ERC2: variants seen among roughly 807,000 people sequenced by gnomAD.
ERC2 encodes ELKS/RAB6-interacting/CAST family member 2.
ERC2 carries 42 observed loss-of-function variants against 114.8 expected under a neutral mutation model. That is an observed-to-expected ratio of 0.37 (90% confidence interval 0.29 to 0.47). The LOEUF is 0.47. Among genes scored for constraint, ERC2 ranks in the 20% least tolerant of loss-of-function variants. The probability of loss-of-function intolerance (pLI) is 0.99; values close to 1 mark genes in which losing one functional copy is unlikely to be tolerated. For synonymous variants in ERC2, 454 were observed against 425.5 expected (o/e 1.07, Z -0.82); for missense variants, 939 against 1,150.7 (o/e 0.82, Z 2.66).
chr3:56,178,245 T>C (rs1421725064), intron 3 of ERC2, among the ~76,000 whole-genome samples: 1 of 152,152 alleles, frequency 6.6e-6, no homozygotes, highest in Non-Finnish European at 1.5e-5. Flanking sequence ...CAAATAATAA[T>C]AACAACAAGT....
At chr3:55,827,986 C>T (rs1212225765) in intron 14 of ERC2, among the ~76,000 whole-genome samples, 4 of 152,348 alleles carry the variant, frequency 2.6e-5, no homozygotes, top group South Asian at 2.1e-4. Context: ...GCGGCCAAGC[C>T]GATGGAAACC....
rs192727207 is a variant in ERC2 at position 56,420,991 on chromosome 3, A to G, written c.657+13360T>C. ...TCCATCAAGGATGCACTCTGATAGT[A>G]TATAAAAGCGCCATGTGGGTCCACT... On this transcript the variant is annotated intron_variant, in intron 2 of 17. Transcript: ENST00000288221. Among the ~76,000 whole-genome samples, 8 of 152,288 alleles carry G rather than the reference A, an allele frequency of 5.3e-5. No individual in the cohort carries two copies. In the East Asian group the frequency reaches 1.5e-3, roughly 29 times the overall value.
intron 13 of ERC2, among the ~76,000 whole-genome samples, chr3:55,920,834 C>T (rs950765282): frequency 9.2e-5 from 14 of 151,976 alleles, no homozygotes; most frequent in African/African-American, 3.1e-4. Context: ...GTCACTTTTC[C>T]AAATTCCTAT....
intron 8 of ERC2, among the ~76,000 whole-genome samples, chr3:56,017,766 C>T (rs1417910308): frequency 6.6e-6 from 1 of 152,104 alleles, no homozygotes; most frequent in Non-Finnish European, 1.5e-5. Flanking sequence ...TATTGTCTGT[C>T]TCCCCATCAC....
At chr3:55,945,408 G>A (rs2067064380) in intron 13 of ERC2, among the ~76,000 whole-genome samples, 3 of 152,174 alleles carry the variant, frequency 2.0e-5, no homozygotes, top group African/African-American at 7.2e-5. Flanking sequence ...AAAAAGAAAT[G>A]AATTTAACTT....
intron 3 of ERC2, among the ~76,000 whole-genome samples, chr3:56,292,663 A>T (rs996781681): frequency 1.3e-5 from 2 of 152,036 alleles, no homozygotes; most frequent in African/African-American, 4.8e-5. Context: ...CTCCAGAGTC[A>T]GGCTGATTCA....
At chr3:56,123,784 G>A (rs1045791422) in intron 6 of ERC2, among the ~76,000 whole-genome samples, 6 of 152,094 alleles carry the variant, frequency 3.9e-5, no homozygotes, top group Admixed American at 6.6e-5. Context: ...CTGTAATGCC[G>A]GTCTTGACTT....
chr3:55,662,080 G>A (rs570770917), intron 17 of ERC2, among the ~76,000 whole-genome samples: 2 of 152,298 alleles, frequency 1.3e-5, no homozygotes, highest in South Asian at 2.1e-4. Flanking sequence ...ACTCTTGGGG[G>A]CAATCCTGCA....
intron 14 of ERC2, among the ~76,000 whole-genome samples, chr3:55,798,894 C>T (rs1280374243): frequency 7.2e-6 from 1 of 138,606 alleles, no homozygotes; most frequent in Admixed American, 7.1e-5. Flanking sequence ...AAACCAAGAA[C>T]ATTATTTTTA....
intron 3 of ERC2, among the ~76,000 whole-genome samples, chr3:56,238,383 G>A (rs2051105616): frequency 6.6e-6 from 1 of 152,210 alleles, no homozygotes; most frequent in African/African-American, 2.4e-5. Flanking sequence ...AGAACCCCTG[G>A]AAGGCCTGAG....
At chr3:56,024,340 C>T (rs187889557) in intron 7 of ERC2, among the ~76,000 whole-genome samples, 1 of 152,322 alleles carries the variant, frequency 6.6e-6, no homozygotes, top group East Asian at 1.9e-4. Context: ...CACTCGTTCT[C>T]TTTGGCCGCA....
At chr3:56,128,719 G>T (rs187474340) in intron 6 of ERC2, among the ~76,000 whole-genome samples, 2 of 152,146 alleles carry the variant, frequency 1.3e-5, no homozygotes, top group East Asian at 1.9e-4. Context: ...CCTCCTTCTG[G>T]TACTACTCTT....
intron 14 of ERC2, among the ~76,000 whole-genome samples, chr3:55,876,056 A>G (rs948733131): frequency 1.3e-5 from 2 of 152,192 alleles, no homozygotes; most frequent in Non-Finnish European, 2.9e-5. Flanking sequence ...ATTTTCATCA[A>G]CATTCATTCA....
intron 14 of ERC2, among the ~76,000 whole-genome samples, chr3:55,767,691 G>A (rs889831191): frequency 4.6e-5 from 7 of 152,176 alleles, no homozygotes; most frequent in African/African-American, 7.2e-5. Flanking sequence ...GATGTTCTCC[G>A]GGAGTACACT....
chr3:56,051,298 T>C (rs548880440), intron 7 of ERC2, among the ~76,000 whole-genome samples: 53 of 152,298 alleles, frequency 3.5e-4, no homozygotes, highest in African/African-American at 1.2e-3. Flanking sequence ...GGTTTTAACA[T>C]TTTTCATTTC....
chr3:55,987,231 C>T (rs1175304814), intron 11 of ERC2, among the ~76,000 whole-genome samples: 1 of 152,202 alleles, frequency 6.6e-6, no homozygotes, highest in Non-Finnish European at 1.5e-5. Context: ...TGTCAGGACA[C>T]GATCACTGTG....
At chr3:55,776,102 A>G (rs2068588008) in intron 14 of ERC2, among the ~76,000 whole-genome samples, 1 of 133,822 alleles carries the variant, frequency 7.5e-6, no homozygotes, top group Non-Finnish European at 1.6e-5. Context: ...ACACCAACAC[A>G]TACTTTTTTT....
chr3:56,081,071 G>T, intron 6 of ERC2, 87 bp from the exon 7 acceptor site: 2 of 1,430,754 alleles, frequency 1.4e-6, no homozygotes, highest in East Asian at 2.4e-5. Flanking sequence ...AGGCAGGGCA[G>T]CAGCATGTTT....
At chr3:55,735,792 C>T (rs887046070) in intron 14 of ERC2, among the ~76,000 whole-genome samples, 8 of 152,112 alleles carry the variant, frequency 5.3e-5, no homozygotes, top group Non-Finnish European at 1.0e-4. Flanking sequence ...CTTTTGAAGG[C>T]AGGCAGAGAA....
Sources: gnomAD v4.1 joint callset for allele counts (sites outside exome capture counted in the v4.1 genomes callset) on GRCh38, gnomAD v4.1.1 for gene constraint, MANE v1.5 for transcripts, NCBI Gene and HGNC (gene_info 2026-07-23, HGNC 2026-07-21) for gene names.